Variants in SLC8A1 observed in about 807,000 individuals in gnomAD.
The protein encoded by SLC8A1 is sodium/calcium exchanger 1.
A neutral mutation model predicts 68.3 loss-of-function variants in SLC8A1; 18 were observed. The ratio of observed to expected loss-of-function variants is 0.26; its 90% confidence interval spans 0.18 to 0.39. The LOEUF (loss-of-function observed/expected upper bound fraction) is 0.39, where lower values mean the gene tolerates loss of function less well. SLC8A1 is among the 10% of genes least tolerant of loss of function. The pLI, the probability that SLC8A1 is intolerant of heterozygous loss-of-function variation, is 1.00. For missense variants in SLC8A1, 985 were observed against 1,156.7 expected (o/e 0.85, Z 2.15); for synonymous variants, 475 against 415.5 (o/e 1.14, Z -1.74).
intron 2 of SLC8A1, among the ~76,000 whole-genome samples, chr2:40,310,625 G>C (rs552482349): frequency 6.6e-6 from 1 of 152,210 alleles, no homozygotes; most frequent in East Asian, 1.9e-4. Context: ...GAAAAATTTA[G>C]AGCTATATTC....
chr2:40,407,638 T>G (rs1200960553), intron 2 of SLC8A1, among the ~76,000 whole-genome samples: 4 of 152,258 alleles, frequency 2.6e-5, no homozygotes, highest in African/African-American at 9.6e-5. Flanking sequence ...CAGCTCTTGG[T>G]GCACTGCATT....
At chr2:40,340,164 G>T (rs1043193967) in intron 2 of SLC8A1, among the ~76,000 whole-genome samples, 2 of 152,138 alleles carry the variant, frequency 1.3e-5, no homozygotes, top group African/African-American at 2.4e-5. Flanking sequence ...AAAAATGGTG[G>T]TTTGTGATTC....
At chr2:40,389,066 ATAT>A (rs1283727153) in intron 2 of SLC8A1, among the ~76,000 whole-genome samples, 3 of 150,520 alleles carry the variant, frequency 2.0e-5, no homozygotes, top group African/African-American at 7.3e-5. Context: ...ATGTGGCTAT[ATAT>A]TTTTTGCAGG....
At chr2:40,457,411 A>G (rs1703087254) in intron 1 of SLC8A1, among the ~76,000 whole-genome samples, 2 of 152,126 alleles carry the variant, frequency 1.3e-5, no homozygotes, top group African/African-American at 4.8e-5. Flanking sequence ...CTGTATCTTC[A>G]ATTGCTGGTC....
rs13399982 is a variant in SLC8A1, at chr2:40,416,054, T to A, written c.1808+12419A>T. On this transcript the variant is annotated intron_variant, in intron 2 of 7. Coordinates refer to ENST00000406785, the Ensembl canonical transcript of SLC8A1. ...TGACAGATTGAGCGAGGCTCTGTTTTAAAAAAAAAAAAAAAAAAAAAGCAA... is the reference window on the plus strand; with the variant it reads ...TGACAGATTGAGCGAGGCTCTGTTTAAAAAAAAAAAAAAAAAAAAAAGCAA... Among the ~76,000 whole-genome samples the A allele has an allele frequency of 1.8e-3, 208 of 116,290 alleles. 1 individual carries two copies. Among genetic ancestry groups the A allele is most frequent in the African/African-American group, 5.9e-3 (183 of 31,022 alleles). The allele number at this position is 116,290 out of a possible 152,430, so 76.3% of individuals were successfully genotyped here. A position where few individuals can be genotyped will look rare whatever the true frequency, so the allele number is the denominator to read the frequency against.
intron 2 of SLC8A1, among the ~76,000 whole-genome samples, chr2:40,200,179 T>TAAATATATATATTTATATATATATAA (rs1242419589): frequency 7.0e-5 from 1 of 14,222 alleles, no homozygotes; most frequent in African/African-American, 1.7e-4. Context: ...CATTGATATA[T>TAAATATATATATTTATATATATATAA]ATATATATAT....
At chr2:40,365,544 G>A (rs1383993122) in intron 2 of SLC8A1, among the ~76,000 whole-genome samples, 1 of 152,046 alleles carries the variant, frequency 6.6e-6, no homozygotes, top group African/African-American at 2.4e-5. Flanking sequence ...ACGGTTGGGG[G>A]CAAGGTGAGG....
exon 8 of SLC8A1, chr2:40,109,454 C>G (rs1306699152): frequency 6.6e-6 from 1 of 152,164 alleles, no homozygotes. Flanking sequence ...AAATAAACAA[C>G]ACTATTATAT....
intron 1 of SLC8A1, among the ~76,000 whole-genome samples, chr2:40,504,296 C>T (rs71426871): frequency 6.6e-6 from 1 of 152,016 alleles, no homozygotes; most frequent in Admixed American, 6.6e-5. Context: ...TCGCTAAATA[C>T]AACAATCAAA....
intron 2 of SLC8A1, among the ~76,000 whole-genome samples, chr2:40,329,716 T>C (rs1162227865): frequency 6.6e-6 from 1 of 152,156 alleles, no homozygotes; most frequent in Non-Finnish European, 1.5e-5. Context: ...CTTGCTCCCA[T>C]CCCAGGCCCT....
chr2:40,406,189 A>G (rs1690258953), intron 2 of SLC8A1, among the ~76,000 whole-genome samples: 1 of 152,206 alleles, frequency 6.6e-6, no homozygotes, highest in Non-Finnish European at 1.5e-5. Flanking sequence ...TTTCTCAAAA[A>G]TTTAAACATA....
At chr2:40,194,055 T>C (rs958925894) in intron 2 of SLC8A1, among the ~76,000 whole-genome samples, 3 of 152,146 alleles carry the variant, frequency 2.0e-5, no homozygotes, top group Non-Finnish European at 4.4e-5. Context: ...TGTAGCACGA[T>C]GGAGGTAGTA....
chr2:40,402,616 C>A (rs535461789), intron 2 of SLC8A1, among the ~76,000 whole-genome samples: 1 of 152,286 alleles, frequency 6.6e-6, no homozygotes, highest in East Asian at 1.9e-4. Context: ...ATAAACAGAA[C>A]TTCAAATTTC....
chr2:40,463,520 TCA>T (rs955408232), intron 1 of SLC8A1, among the ~76,000 whole-genome samples: 1 of 152,174 alleles, frequency 6.6e-6, no homozygotes, highest in Admixed American at 6.5e-5. Context: ...CTTCTCTCTC[TCA>T]TACAAAATTT....
intron 2 of SLC8A1, among the ~76,000 whole-genome samples, chr2:40,231,289 G>T (rs1336445142): frequency 1.3e-5 from 2 of 152,176 alleles, no homozygotes. Flanking sequence ...ATTAGACACG[G>T]GAAATGTGCA....
Position 40,365,696 on chromosome 2 carries a change from G to C in SLC8A1, c.1808+62777C>G, listed in dbSNP as rs116204938. On this transcript the variant is annotated intron_variant, in intron 2 of 7. Transcript: ENST00000406785. ...CATGTCATTCATTTGCATTTAACTT[G>C]TCAGTCTAAAACTTGCTTATTTGGC... Among the ~76,000 whole-genome samples, 371 of 152,108 alleles carry C rather than the reference G, an allele frequency of 2.4e-3. 2 individuals carry two copies. The highest frequency in any genetic ancestry group is 8.4e-3 in the African/African-American group (349 of 41,540).
At chr2:40,184,456 C>T (rs1011070735) in intron 2 of SLC8A1, among the ~76,000 whole-genome samples, 9 of 152,142 alleles carry the variant, frequency 5.9e-5, no homozygotes, top group Non-Finnish European at 8.8e-5. Flanking sequence ...CAAGAAATGA[C>T]GGTCTCTGCA....
intron 7 of SLC8A1, among the ~76,000 whole-genome samples, chr2:40,130,865 A>C (rs1249383997): frequency 6.6e-6 from 1 of 152,274 alleles, no homozygotes; most frequent in Non-Finnish European, 1.5e-5. Flanking sequence ...AACTGCAGGA[A>C]ACAGAAGCAC....
At chr2:40,208,720 C>G (rs908032895) in intron 2 of SLC8A1, among the ~76,000 whole-genome samples, 1 of 152,158 alleles carries the variant, frequency 6.6e-6, no homozygotes, top group Non-Finnish European at 1.5e-5. Flanking sequence ...TCAGCAGTCT[C>G]CTCTTCTTAC....
Sources: allele counts gnomAD v4.1 joint callset (sites outside exome capture counted in the v4.1 genomes callset), GRCh38; gene constraint gnomAD v4.1.1; transcripts MANE v1.5; gene names NCBI Gene and HGNC (gene_info 2026-07-23, HGNC 2026-07-21).